Variants in ZNF804B observed in about 807,000 individuals in gnomAD.
ZNF804B encodes the protein zinc finger protein 804B.
A neutral mutation model predicts 101.4 loss-of-function variants in ZNF804B; 80 were observed. The ratio of observed to expected loss-of-function variants is 0.79; its 90% CI spans 0.66 to 0.95. The LOEUF is 0.95. Ranked by LOEUF, ZNF804B falls within the 40% of genes least tolerant of loss-of-function variation. The pLI is 0.00. For synonymous variants in ZNF804B, 622 were observed against 558.8 expected, an observed-to-expected ratio of 1.11 and a Z score of -1.59; for missense variants, 1,673 against 1,561.9, an observed-to-expected ratio of 1.07 and a Z score of -1.20.
chr7:88,926,944 G>GGGTA (rs1184917883), intron 1 of ZNF804B, among the ~76,000 whole-genome samples: 91 of 85,836 alleles, frequency 1.1e-3, no homozygotes, highest in Admixed American at 2.9e-3. Context: ...GGTGGGGAGC[G>GGGTA]GGGGGAAAGC....
At chr7:88,910,797 T>G (rs1339243052) in intron 1 of ZNF804B, among the ~76,000 whole-genome samples, 1 of 151,936 alleles carries the variant, frequency 6.6e-6, no homozygotes, top group Non-Finnish European at 1.5e-5. Flanking sequence ...GAAGATGTTC[T>G]GCAAAATGAG....
intron 1 of ZNF804B, among the ~76,000 whole-genome samples, chr7:89,052,628 T>C (rs944806182): frequency 1.3e-5 from 2 of 152,144 alleles, no homozygotes; most frequent in African/African-American, 4.8e-5. Context: ...GAATGGCATA[T>C]AGTTTCTGAT....
chr7:88,824,255 A>G (rs905951753), intron 1 of ZNF804B, among the ~76,000 whole-genome samples: 6 of 152,106 alleles, frequency 3.9e-5, no homozygotes, highest in African/African-American at 1.4e-4. Flanking sequence ...CATGTTGTGG[A>G]AGGGACCCAG....
At chr7:89,055,624 G>T (rs1157025207) in intron 1 of ZNF804B, among the ~76,000 whole-genome samples, 2 of 152,070 alleles carry the variant, frequency 1.3e-5, no homozygotes. Flanking sequence ...GTGGGGGAAA[G>T]ACTGCCCACC....
At chr7:89,120,235 C>T (rs910389034) in intron 1 of ZNF804B, among the ~76,000 whole-genome samples, 2 of 151,924 alleles carry the variant, frequency 1.3e-5, no homozygotes, top group South Asian at 2.1e-4. Context: ...TTGCAGTGAG[C>T]GGAGATCGCA....
intron 1 of ZNF804B, among the ~76,000 whole-genome samples, chr7:88,831,132 T>G (rs780536243): frequency 1.3e-5 from 2 of 151,980 alleles, no homozygotes; most frequent in Non-Finnish European, 2.9e-5. Context: ...TTCAGAGTTG[T>G]GCAACCATCA....
rs533202350 is a variant in ZNF804B at position 88,936,006 on chromosome 7, CT to C, written c.108+175929del. Reference sequence around the variant, plus strand: ...TCTTTCTCCCTCCCTTCCTCCATTTCTTTTTTTCTTCCTCCTGCCCACCCTC... The same window carrying C: ...TCTTTCTCCCTCCCTTCCTCCATTTCTTTTTTCTTCCTCCTGCCCACCCTC... On this transcript the variant is annotated intron_variant, in intron 1 of 3. Coordinates refer to ENST00000333190, the MANE Select transcript of ZNF804B (RefSeq NM_181646.5). Among the ~76,000 whole-genome samples, 32 of 148,772 alleles carry C rather than the reference CT, an allele frequency of 2.2e-4. 1 individual carries two copies. The East Asian group carries it at 3.8e-3, about 18-fold the overall frequency.
At chr7:88,968,240 A>G (rs59580287) in intron 1 of ZNF804B, among the ~76,000 whole-genome samples, 30 of 151,642 alleles carry the variant, frequency 2.0e-4, no homozygotes, top group African/African-American at 6.5e-4. Flanking sequence ...ATTTACTAAT[A>G]CTATTGTCCT....
chr7:89,318,438 T>G (rs1209507839), intron 2 of ZNF804B, among the ~76,000 whole-genome samples: 5 of 152,138 alleles, frequency 3.3e-5, no homozygotes, highest in Admixed American at 3.3e-4. Flanking sequence ...TATTTATGAT[T>G]AAAAGTCAAA....
At chr7:88,883,677 A>G (rs1364444170) in intron 1 of ZNF804B, among the ~76,000 whole-genome samples, 1 of 152,118 alleles carries the variant, frequency 6.6e-6, no homozygotes, top group African/African-American at 2.4e-5. Context: ...ATAAAATTCT[A>G]CCACCAAAGA....
chr7:89,255,856 AG>A (rs1255452605), intron 2 of ZNF804B, among the ~76,000 whole-genome samples: 1 of 152,190 alleles, frequency 6.6e-6, no homozygotes, highest in African/African-American at 2.4e-5. Flanking sequence ...CAGTAAAAAA[AG>A]ATTCATAAAA....
intron 1 of ZNF804B, among the ~76,000 whole-genome samples, chr7:89,129,431 G>T (rs1428425779): frequency 6.6e-6 from 1 of 151,914 alleles, no homozygotes; most frequent in Non-Finnish European, 1.5e-5. Flanking sequence ...AAACATTTGG[G>T]AAGCCAGGAA....
At chr7:89,290,413 G>A (rs1017743135) in intron 2 of ZNF804B, among the ~76,000 whole-genome samples, 1 of 152,064 alleles carries the variant, frequency 6.6e-6, no homozygotes, top group Admixed American at 6.6e-5. Flanking sequence ...TGGGCTCTTG[G>A]GGTCCCCGAT....
At chr7:89,284,483 G>A (rs866445835) in intron 2 of ZNF804B, among the ~76,000 whole-genome samples, 13 of 152,302 alleles carry the variant, frequency 8.5e-5, no homozygotes, top group South Asian at 2.1e-4. Context: ...GGTCTGCAGC[G>A]TGGTTGCCCA....
At chr7:89,227,499 A>G (rs899144021) in intron 2 of ZNF804B, among the ~76,000 whole-genome samples, 4 of 152,326 alleles carry the variant, frequency 2.6e-5, no homozygotes, top group Middle Eastern at 6.8e-3. Context: ...TATAAAAAAG[A>G]AAGTGAACAT....
chr7:88,904,837 A>G (rs772645350), intron 1 of ZNF804B, among the ~76,000 whole-genome samples: 29 of 152,216 alleles, frequency 1.9e-4, no homozygotes, highest in Non-Finnish European at 3.8e-4. Flanking sequence ...TATCAGTTCT[A>G]GGAGTCTTTT....
At chr7:89,266,197 C>G (rs560602069) in intron 2 of ZNF804B, among the ~76,000 whole-genome samples, 239 of 152,268 alleles carry the variant, frequency 1.6e-3, no homozygotes, top group Middle Eastern at 6.8e-3. Flanking sequence ...GCCACCAGAA[C>G]AGCTGCCCTA....
intron 2 of ZNF804B, among the ~76,000 whole-genome samples, chr7:89,320,809 A>C (rs952725124): frequency 2.6e-5 from 4 of 152,116 alleles, no homozygotes; most frequent in Non-Finnish European, 5.9e-5. Flanking sequence ...AAGCAATAAT[A>C]AGAAGATAGC....
intron 1 of ZNF804B, among the ~76,000 whole-genome samples, chr7:88,924,199 G>A (rs1366456759): frequency 6.6e-6 from 1 of 151,934 alleles, no homozygotes; most frequent in Non-Finnish European, 1.5e-5. Context: ...ATTTATGTAT[G>A]TTCTTGCCAT....
Sources: gnomAD v4.1 joint callset for allele counts (sites outside exome capture counted in the v4.1 genomes callset) on GRCh38, gnomAD v4.1.1 for gene constraint, MANE v1.5 for transcripts, NCBI Gene and HGNC (gene_info 2026-07-23, HGNC 2026-07-21) for gene names.